LAMA3: variants seen among roughly 807,000 people sequenced by gnomAD.
LAMA3 encodes laminin subunit alpha-3.
In LAMA3, 281 loss-of-function variants were observed where a neutral mutation model predicts 402.0. The observed-to-expected ratio is 0.70, with a 90% CI of 0.63 to 0.77. LAMA3 has a LOEUF of 0.77. LAMA3 is among the 30% of genes least tolerant of loss of function. LAMA3 has a pLI of 0.00. For synonymous variants in LAMA3, 1,431 were observed against 1,558.4 expected, an observed-to-expected ratio of 0.92 and a Z score of 1.93; for missense variants, 3,840 against 4,215.5, an observed-to-expected ratio of 0.91 and a Z score of 2.47.
At chr18:23,786,740 G>T (rs187916338) in intron 12 of LAMA3, among the ~76,000 whole-genome samples, 1 of 152,140 alleles carries the variant, frequency 6.6e-6, no homozygotes, top group African/African-American at 2.4e-5. Flanking sequence ...AGGAAATCAT[G>T]GTTAATGAAT....
At position 23,876,344 on chromosome 18, in the gene LAMA3, G is replaced by C. The variant is rs151202077; in HGVS notation, c.5049G>C (p.Arg1683=). 1.2e-6 allele frequency: 2 copies of C among 1,614,072 alleles called. No individual in the cohort carries two copies. The highest frequency in any genetic ancestry group is 2.7e-5 in the African/African-American group (2 of 74,944). The change falls in exon 39 of 75, where the codon CGG becomes CGC. Residue 1683 remains arginine, a synonymous_variant. Coordinates refer to ENST00000313654, the MANE Select transcript of LAMA3 (RefSeq NM_198129.4). ...YRDHKGLYTG[R]CVPCNCNGHS... The stretch of plus-strand genomic sequence containing the variant: ...ATCATAAAGGCTTGTATACCGGACG[G>C]TGTGTTCCCTGCAATTGCAACGGAC...
At chr18:23,861,567 G>A in intron 34 of LAMA3, 79 bp from the exon 35 acceptor site, 1 of 1,525,120 alleles carries the variant, frequency 6.6e-7, no homozygotes, top group South Asian at 1.1e-5. Flanking sequence ...GGAGCTTTCT[G>A]TAGTACATCA....
In LAMA3 at chr18:23,839,800, C is replaced by T; in HGVS notation, c.3207C>T (p.Ser1069=). Residue 1069 remains serine (S), a synonymous_variant, in exon 27 of 75, where the codon TCC becomes TCT. Coordinates refer to ENST00000313654, the MANE Select transcript of LAMA3 (RefSeq NM_198129.4). This position sits in a 1 kb window ranked among gnomAD's most constrained non-coding sequence, Gnocchi z 4.5. ...RFVNQSATCV[S]LAHETPPTAL... ...TATTTTTCAGTGCCACCTGTGTCTC[C>T]TTGGCCCATGAAACTCCTCCAACAG... The T allele has an allele frequency of 6.2e-7, 1 of 1,614,154 alleles. No individual in the cohort carries two copies. Among genetic ancestry groups the T allele is most frequent in the South Asian group, 1.1e-5 (1 of 91,068 alleles).
At chr18:23,753,628 A>T in intron 5 of LAMA3, 93 bp from the exon 6 acceptor site, 1 of 872,758 alleles carries the variant, frequency 1.1e-6, no homozygotes, top group Non-Finnish European at 1.9e-6. Flanking sequence ...TTTAAAAGGG[A>T]AGCAGAGGCA....
intron 32 of LAMA3, among the ~76,000 whole-genome samples, chr18:23,848,644 AGGGCCTATGGCTGCTG>A (rs1198338262): frequency 1.3e-5 from 2 of 152,164 alleles, no homozygotes; most frequent in East Asian, 3.9e-4. Context: ...GAGAGCCAAG[AGGGCCTATGGCTGCTG>A]GGGACAGGCC....
intron 12 of LAMA3, among the ~76,000 whole-genome samples, chr18:23,805,265 G>C (rs1213256633): frequency 2.6e-5 from 4 of 152,152 alleles, no homozygotes; most frequent in Non-Finnish European, 5.9e-5. Flanking sequence ...ATAATCTACT[G>C]TCATTATCCA....
At chr18:23,833,728 C>G in intron 23 of LAMA3, 100 bp from the exon 24 acceptor site, 2 of 1,315,916 alleles carry the variant, frequency 1.5e-6, no homozygotes, top group Non-Finnish European at 2.2e-6. Context: ...AAAATACTTC[C>G]AGGGTGTCTT....
intron 4 of LAMA3, among the ~76,000 whole-genome samples, 161 bp from the exon 5 acceptor site, chr18:23,750,757 A>G (rs1810426578): frequency 1.3e-5 from 2 of 152,148 alleles, no homozygotes; most frequent in Admixed American, 1.3e-4. Context: ...GGGACTAGCA[A>G]TGATGTTTTT....
At chr18:23,898,554 C>T (rs2080956862) in intron 44 of LAMA3, 184 bp from the exon 45 acceptor site, 1 of 611,670 alleles carries the variant, frequency 1.6e-6, no homozygotes, top group Non-Finnish European at 2.9e-6. Context: ...ATTTTAGAGC[C>T]ATATCACAAT....
At chr18:23,953,874 T>C (rs1397235781) in intron 74 of LAMA3, among the ~76,000 whole-genome samples, 1 of 152,184 alleles carries the variant, frequency 6.6e-6, no homozygotes, top group Non-Finnish European at 1.5e-5. Context: ...TCATTCTTCA[T>C]TGTTTTCTGT....
intron 12 of LAMA3, among the ~76,000 whole-genome samples, chr18:23,797,068 C>T (rs1274096265): frequency 6.6e-6 from 1 of 152,164 alleles, no homozygotes; most frequent in African/African-American, 2.4e-5. Flanking sequence ...CTAATACATA[C>T]ACATCCAGCC....
intron 38 of LAMA3, among the ~76,000 whole-genome samples, chr18:23,875,301 T>G (rs2064671694): frequency 6.6e-6 from 1 of 152,236 alleles, no homozygotes; most frequent in Non-Finnish European, 1.5e-5. Context: ...TTGGAGGGAT[T>G]CTTAACTAGA....
At chr18:23,838,616 C>T (rs1598893049) in intron 25 of LAMA3, among the ~76,000 whole-genome samples, 165 bp from the exon 26 acceptor site, 2 of 152,308 alleles carry the variant, frequency 1.3e-5, no homozygotes, top group South Asian at 4.1e-4. Flanking sequence ...CATAATGATG[C>T]CTGAGGACAT....
intron 68 of LAMA3, 122 bp downstream of exon 68, chr18:23,939,508 T>G (rs745332996): frequency 4.6e-6 from 5 of 1,084,838 alleles, no homozygotes; most frequent in Non-Finnish European, 5.6e-6. Context: ...ACTACCATTT[T>G]TGTGCAAAGA....
chr18:23,733,214 A>T lies in LAMA3; in HGVS notation c.448-14729A>T, dbSNP rs557051325. 1.2e-4 allele frequency among the ~76,000 whole-genome samples: 19 copies of T among 152,316 alleles called. No homozygotes were observed. The East Asian group carries it at 3.7e-3, about 29-fold the overall frequency. ...GATTAGGGTATCCCTGATAAGTGTA[A>T]CTACCATGGAGGGAGGCATTATCTT... On this transcript the variant is annotated intron_variant, in intron 2 of 74. Coordinates refer to ENST00000313654, the MANE Select transcript of LAMA3 (RefSeq NM_198129.4).
intron 37 of LAMA3, among the ~76,000 whole-genome samples, chr18:23,868,802 G>T (rs1020549079): frequency 2.0e-5 from 3 of 152,144 alleles, no homozygotes; most frequent in African/African-American, 7.2e-5. Flanking sequence ...ATAAAGGAAA[G>T]CTCATCAGAT....
chr18:23,899,148 T>G (rs1443651609), intron 46 of LAMA3, 83 bp downstream of exon 46: 2 of 1,308,896 alleles, frequency 1.5e-6, no homozygotes, highest in Admixed American at 3.8e-5. Context: ...CTTTAAGATT[T>G]CAACATTATG....
chr18:23,745,355 G>A (rs1285147827), intron 2 of LAMA3, among the ~76,000 whole-genome samples: 1 of 152,178 alleles, frequency 6.6e-6, no homozygotes, highest in East Asian at 1.9e-4. Flanking sequence ...TAGCTTTGTA[G>A]TAGCAGAAAG....
intron 6 of LAMA3, among the ~76,000 whole-genome samples, chr18:23,756,521 A>C (rs2061848501): frequency 7.1e-6 from 1 of 141,096 alleles, no homozygotes. Flanking sequence ...CATATTCACG[A>C]TATTCAGGAA....
Sources: allele counts gnomAD v4.1 joint callset (sites outside exome capture counted in the v4.1 genomes callset), GRCh38; gene constraint gnomAD v4.1.1; non-coding constraint Gnocchi (gnomAD v3.1); transcripts MANE v1.5; gene names NCBI Gene and HGNC (gene_info 2026-07-23, HGNC 2026-07-21).